CLYBL: variants seen among roughly 807,000 people sequenced by gnomAD.
The protein encoded by CLYBL is citramalyl-CoA lyase, mitochondrial.
In CLYBL, 31 loss-of-function variants were observed where a neutral mutation model predicts 38.9. That is an observed-to-expected ratio of 0.80 (90% confidence interval 0.60 to 1.08). The LOEUF is 1.08. Ranked by LOEUF, CLYBL falls within the 50% of genes least tolerant of loss-of-function variation. The pLI, the probability that CLYBL is intolerant of heterozygous loss-of-function variation, is 0.00. For synonymous variants in CLYBL, 171 were observed against 158.6 expected, an observed-to-expected ratio of 1.08 and a Z score of -0.59; for missense variants, 434 against 411.6, an observed-to-expected ratio of 1.05 and a Z score of -0.47.
At chr13:99,717,566 C>T (rs9585202) in intron 1 of CLYBL, among the ~76,000 whole-genome samples, 2,504 of 151,922 alleles carry the variant, frequency 0.016, 59 homozygotes, top group African/African-American at 0.057. Context: ...CTCCCCGGAT[C>T]CTCCTGCCTC....
intron 2 of CLYBL, among the ~76,000 whole-genome samples, chr13:99,829,624 A>C (rs948960674): frequency 7.2e-5 from 11 of 152,176 alleles, no homozygotes; most frequent in African/African-American, 2.7e-4. Context: ...TATTTTCTAG[A>C]CCAATAGGTG....
chr13:99,765,930 C>T (rs2049261017), intron 1 of CLYBL, among the ~76,000 whole-genome samples: 2 of 150,554 alleles, frequency 1.3e-5, no homozygotes, highest in Non-Finnish European at 2.9e-5. Context: ...AAGCTCACTG[C>T]AGTCTCGAAC....
chr13:99,875,710 C>T (rs1177140834), intron 7 of CLYBL, among the ~76,000 whole-genome samples: 2 of 152,208 alleles, frequency 1.3e-5, no homozygotes, highest in Non-Finnish European at 2.9e-5. Context: ...TATTAGACAA[C>T]AGTGTATCCT....
At chr13:99,678,214 A>G (rs550419997) in intron 1 of CLYBL, among the ~76,000 whole-genome samples, 24 of 152,316 alleles carry the variant, frequency 1.6e-4, no homozygotes, top group Admixed American at 7.2e-4. Flanking sequence ...TTGTTGTTTC[A>G]GAAGGTCTGC....
chr13:99,669,070 C>T (rs941972241), intron 1 of CLYBL, among the ~76,000 whole-genome samples: 4 of 150,840 alleles, frequency 2.7e-5, no homozygotes, highest in African/African-American at 4.9e-5. Flanking sequence ...GGCGCGATCT[C>T]GGCTCACTGC....
intron 7 of CLYBL, among the ~76,000 whole-genome samples, chr13:99,886,905 A>T (rs1054889008): frequency 3.9e-5 from 6 of 152,156 alleles, no homozygotes; most frequent in African/African-American, 1.4e-4. Context: ...CACTGTCCCA[A>T]GTGACTCACC....
chr13:99,670,700 A>G (rs78510120), intron 1 of CLYBL, among the ~76,000 whole-genome samples: 9 of 152,228 alleles, frequency 5.9e-5, no homozygotes, highest in African/African-American at 9.6e-5. Flanking sequence ...TTTAACTGCA[A>G]AATTGACCCC....
At chr13:99,728,275 CTTTTCTTTT>C (rs1566303687) in intron 1 of CLYBL, among the ~76,000 whole-genome samples, 10 of 142,560 alleles carry the variant, frequency 7.0e-5, no homozygotes, top group East Asian at 4.2e-4. Flanking sequence ...TGTTTCTTTT[CTTTTCTTTT>C]TTTTTTTTTT....
At chr13:99,868,183 C>A (rs2051797766) in intron 6 of CLYBL, among the ~76,000 whole-genome samples, 1 of 152,184 alleles carries the variant, frequency 6.6e-6, no homozygotes, top group African/African-American at 2.4e-5. Flanking sequence ...TAGGGAGCCA[C>A]ACTTCGTAGG....
chr13:99,858,628 A>T (rs1322612426), intron 2 of CLYBL, among the ~76,000 whole-genome samples: 2 of 152,224 alleles, frequency 1.3e-5, no homozygotes, highest in Non-Finnish European at 2.9e-5. Flanking sequence ...ACCCATGTGC[A>T]CTGCGGTGCG....
chr13:99,622,084 G>A (rs556433905), intron 1 of CLYBL, among the ~76,000 whole-genome samples: 38 of 152,256 alleles, frequency 2.5e-4, no homozygotes, highest in African/African-American at 8.7e-4. Flanking sequence ...AGACCCAGTG[G>A]GCTGAATTCT....
intron 1 of CLYBL, among the ~76,000 whole-genome samples, chr13:99,622,411 A>G (rs2046811648): frequency 6.6e-6 from 1 of 152,258 alleles, no homozygotes; most frequent in South Asian, 2.1e-4. Flanking sequence ...ATGTGCTGCC[A>G]GCATAGATAT....
intron 1 of CLYBL, among the ~76,000 whole-genome samples, chr13:99,768,494 CTTTTTTTTTTTTTTTTTT>C (rs779750350): frequency 1.2e-5 from 1 of 84,892 alleles, no homozygotes; most frequent in African/African-American, 5.1e-5. Flanking sequence ...CGCCCGACCT[CTTTTTTTTTTTTTTTTTT>C]TTTTTTTTTT....
chr13:99,739,793 GGT>G (rs1031319062), intron 1 of CLYBL, among the ~76,000 whole-genome samples: 12 of 152,134 alleles, frequency 7.9e-5, no homozygotes, highest in Admixed American at 3.3e-4. Context: ...TAACCAACAT[GGT>G]GAAACTCCAT....
At chr13:99,855,220 T>C (rs1315735673) in intron 2 of CLYBL, among the ~76,000 whole-genome samples, 1 of 152,192 alleles carries the variant, frequency 6.6e-6, no homozygotes, top group Admixed American at 6.5e-5. Context: ...CCTGTAGTGT[T>C]AACACATTTA....
Position 99,731,522 on chromosome 13 carries a change from A to G in CLYBL, c.63-41302A>G, listed in dbSNP as rs544534304. On this transcript the variant is annotated intron_variant, in intron 1 of 8. Coordinates refer to ENST00000339105, the MANE Select transcript of CLYBL (RefSeq NM_206808.5). ...TTATATTAAAAAAAAAAAAAAGGCC[A>G]AAGAATGCCTCAAAGCATTGAAATA... Among the ~76,000 whole-genome samples the G allele has an allele frequency of 1.9e-4, 29 of 152,180 alleles. No individual in the cohort carries two copies. In the South Asian group the frequency reaches 6.0e-3, roughly 32 times the overall value.
intron 2 of CLYBL, among the ~76,000 whole-genome samples, chr13:99,814,795 C>A (rs1223961725): frequency 2.0e-5 from 3 of 151,212 alleles, no homozygotes; most frequent in Admixed American, 2.0e-4. Context: ...CTTTGGGAGG[C>A]TGAGGCAGGA....
chr13:99,694,301 A>G (rs953983401), intron 1 of CLYBL, among the ~76,000 whole-genome samples: 1 of 152,234 alleles, frequency 6.6e-6, no homozygotes, highest in African/African-American at 2.4e-5. Flanking sequence ...CAAGACTGCA[A>G]ACCCGGCAGA....
intron 2 of CLYBL, among the ~76,000 whole-genome samples, chr13:99,855,769 C>T (rs78050793): frequency 2.6e-5 from 4 of 152,092 alleles, no homozygotes; most frequent in Admixed American, 2.0e-4. Context: ...AAATACTTCA[C>T]CCTGAAAATA....
Sources: gnomAD v4.1 joint callset for allele counts (sites outside exome capture counted in the v4.1 genomes callset) on GRCh38, gnomAD v4.1.1 for gene constraint, MANE v1.5 for transcripts, NCBI Gene and HGNC (gene_info 2026-07-23, HGNC 2026-07-21) for gene names.